Variants in DNAJC2 observed in about 807,000 individuals in gnomAD.
DNAJC2 encodes DnaJ heat shock protein family (Hsp40) member C2, also known as dnaJ homolog subfamily C member 2.
Under a neutral mutation model 94.0 loss-of-function variants are expected in DNAJC2, and 32 were observed. The observed-to-expected ratio is 0.34, with a 90% CI of 0.26 to 0.46. The LOEUF (loss-of-function observed/expected upper bound fraction) is 0.46, where lower values mean the gene tolerates loss of function less well. DNAJC2 is among the 20% of genes least tolerant of loss of function. The probability of loss-of-function intolerance (pLI) is 1.00; values close to 1 mark genes in which losing one functional copy is unlikely to be tolerated. For missense variants in DNAJC2, 550 were observed against 719.5 expected (o/e 0.76, Z 2.69); for synonymous variants, 210 against 229.7 (o/e 0.91, Z 0.77).
At chr7:103,316,229 C>T in intron 13 of DNAJC2, 141 bp from the exon 14 acceptor site, 1 of 476,520 alleles carries the variant, frequency 2.1e-6, no homozygotes, top group Admixed American at 3.8e-5. Flanking sequence ...TATGCTGCTA[C>T]TATAAATTCC....
At position 103,327,637 on chromosome 7, in the gene DNAJC2, C is replaced by G; in HGVS notation, c.430+19G>C. On this transcript the variant is annotated intron_variant, in intron 4 of 16. Coordinates refer to ENST00000379263, the MANE Select transcript of DNAJC2 (RefSeq NM_014377.3). ...AACAATTACTATTAGAAATTCCTGA[C>G]TCTAAAGCATTTTCTTACCTTTAGT... is the stretch of plus-strand genomic sequence containing the variant. The G allele has an allele frequency of 6.7e-7, 1 of 1,496,710 alleles. No individual in the cohort carries two copies. The highest frequency in any genetic ancestry group is 9.3e-7 in the Non-Finnish European group (1 of 1,079,346). 92.7% of individuals were successfully genotyped at this position (1,496,710 alleles called of 1,614,324 possible). A position where few individuals can be genotyped will look rare whatever the true frequency, so the allele number is the denominator to read the frequency against.
At chr7:103,314,879 T>TA (rs1467901906) in intron 15 of DNAJC2, among the ~76,000 whole-genome samples, 2 of 152,210 alleles carry the variant, frequency 1.3e-5, no homozygotes, top group Non-Finnish European at 2.9e-5. Context: ...TTTCTGCGAT[T>TA]AGTTTAAGAA....
chr7:103,342,425 C>G (rs1819407975), intron 1 of DNAJC2, among the ~76,000 whole-genome samples: 1 of 151,716 alleles, frequency 6.6e-6, no homozygotes, highest in South Asian at 2.1e-4. Flanking sequence ...TGTGCCTCAG[C>G]CTTCCAAGCA....
Position 103,341,918 on chromosome 7 carries a change from C to T in DNAJC2, c.101G>A (p.Trp34Ter). Reference protein sequence around the residue: ...TLCQVEPVGRWFEAFVKRRNR... With the variant: ...TLCQVEPVGR ...TCTCCTCTTAACAAAAGCTTCAAAC[C>T]ATCTTCCCACAGGTTCAACTTGACA... Residue 34 changes from tryptophan to a stop codon, truncating the protein, a stop_gained, in exon 2 of 17, where the codon TGG becomes TAG. Coordinates refer to ENST00000379263, the MANE Select transcript of DNAJC2 (RefSeq NM_014377.3). LOFTEE classifies it high-confidence loss of function. 1 of 1,609,794 alleles carries T rather than the reference C, an allele frequency of 6.2e-7. No individual in the cohort carries two copies. Among genetic ancestry groups the T allele is most frequent in the Non-Finnish European group, 8.5e-7 (1 of 1,178,528 alleles).
intron 3 of DNAJC2, among the ~76,000 whole-genome samples, chr7:103,334,534 C>T (rs980180617): frequency 6.0e-5 from 9 of 150,166 alleles, no homozygotes; most frequent in East Asian, 2.0e-4. Flanking sequence ...CAAGATCACG[C>T]GACTGCACTC....
chr7:103,313,602 C>T (rs1171081679), intron 15 of DNAJC2: 17 of 983,064 alleles, frequency 1.7e-5, no homozygotes, highest in Non-Finnish European at 2.1e-5. Flanking sequence ...GCCAAGTGCC[C>T]AAGGTACCAG....
chr7:103,321,742 G>C (rs1420099425), intron 10 of DNAJC2, among the ~76,000 whole-genome samples, 190 bp downstream of exon 10: 1 of 151,514 alleles, frequency 6.6e-6, no homozygotes, highest in Non-Finnish European at 1.5e-5. Context: ...CCAGCTACTC[G>C]GGAGGCTGAG....
At chr7:103,323,221 C>G (rs575792051) in intron 7 of DNAJC2, among the ~76,000 whole-genome samples, 18 of 152,166 alleles carry the variant, frequency 1.2e-4, no homozygotes, top group Non-Finnish European at 1.9e-4. Flanking sequence ...TGAGCCAGCA[C>G]GCCCGGCCTA....
intron 15 of DNAJC2, chr7:103,314,815 C>T (rs1448993995): frequency 2.7e-5 from 5 of 186,116 alleles, no homozygotes; most frequent in Non-Finnish European, 5.0e-5. Context: ...AACTGGGACT[C>T]TTAGAAGAAA....
At chr7:103,339,530 C>T (rs1254584155) in intron 2 of DNAJC2, among the ~76,000 whole-genome samples, 1 of 152,186 alleles carries the variant, frequency 6.6e-6, no homozygotes, top group Non-Finnish European at 1.5e-5. Flanking sequence ...ACTGTAATCT[C>T]TTGCCTTCCC....
chr7:103,325,342 C>A (rs1818646255), intron 5 of DNAJC2, among the ~76,000 whole-genome samples: 1 of 151,806 alleles, frequency 6.6e-6, no homozygotes, highest in Non-Finnish European at 1.5e-5. Context: ...GAGGCTGAGG[C>A]AGGAGAATTG....
intron 2 of DNAJC2, 152 bp downstream of exon 2, chr7:103,341,612 T>C: frequency 1.7e-6 from 1 of 575,592 alleles, no homozygotes; most frequent in Non-Finnish European, 2.9e-6. Flanking sequence ...TGGCTAGTGC[T>C]AATGCTCTCA....
At chr7:103,325,994 G>C (rs1439935230) in intron 5 of DNAJC2, among the ~76,000 whole-genome samples, 1 of 151,974 alleles carries the variant, frequency 6.6e-6, no homozygotes, top group Non-Finnish European at 1.5e-5. Flanking sequence ...TTCTCTCAAA[G>C]CAAAATTTTT....
chr7:103,321,793 A>G, intron 10 of DNAJC2, 139 bp downstream of exon 10: 1 of 900,414 alleles, frequency 1.1e-6, no homozygotes, highest in South Asian at 2.3e-5. Context: ...AATTGCGGTG[A>G]ACTGAGATCG....
At chr7:103,313,293 C>T in intron 15 of DNAJC2, 192 bp from the exon 16 acceptor site, 1 of 1,327,216 alleles carries the variant, frequency 7.5e-7, no homozygotes, top group Non-Finnish European at 9.6e-7. Flanking sequence ...TAGCTCACAT[C>T]CCAGAAAATA....
chr7:103,313,635 T>C, intron 15 of DNAJC2: 5 of 985,384 alleles, frequency 5.1e-6, no homozygotes, highest in Non-Finnish European at 6.0e-6. Context: ...AAGCTGAGAT[T>C]AGATTGTGTT....
At chr7:103,334,847 AT>A (rs1366637528) in intron 3 of DNAJC2, among the ~76,000 whole-genome samples, 1 of 152,046 alleles carries the variant, frequency 6.6e-6, no homozygotes, top group Non-Finnish European at 1.5e-5. Context: ...TTTTTTGGGC[AT>A]TTTTTGAGGC....
At chr7:103,320,795 T>G (rs536523824) in intron 10 of DNAJC2, 140 of 171,386 alleles carry the variant, frequency 8.2e-4, no homozygotes, top group Middle Eastern at 1.7e-3. Context: ...TCTGAAACTG[T>G]GTCTATATTC....
At chr7:103,314,523 C>A (rs1817937565) in intron 15 of DNAJC2, 2 of 985,244 alleles carry the variant, frequency 2.0e-6, no homozygotes, top group South Asian at 4.7e-5. Context: ...GGAAACAAGT[C>A]CCCCTAAGAA....
Sources: allele counts gnomAD v4.1 joint callset (sites outside exome capture counted in the v4.1 genomes callset), GRCh38; gene constraint gnomAD v4.1.1; transcripts MANE v1.5; gene names NCBI Gene and HGNC (gene_info 2026-07-23, HGNC 2026-07-21).